SLC4A10: variants seen among roughly 807,000 people sequenced by gnomAD.
SLC4A10 encodes sodium-driven chloride bicarbonate exchanger.
A neutral mutation model predicts 137.7 loss-of-function variants in SLC4A10; 42 were observed. The observed-to-expected ratio is 0.30, with a 90% CI of 0.24 to 0.39. SLC4A10 has a LOEUF of 0.39. SLC4A10 is among the 10% of genes least tolerant of loss of function. The pLI is 1.00. For missense variants in SLC4A10, 925 were observed against 1,355.0 expected (o/e 0.68, Z 4.98); for synonymous variants, 474 against 464.1 (o/e 1.02, Z -0.27).
intron 3 of SLC4A10, among the ~76,000 whole-genome samples, chr2:161,828,825 G>C: frequency 9.6e-6 from 1 of 103,878 alleles, no homozygotes; most frequent in Admixed American, 1.1e-4. Flanking sequence ...ATCTACATCT[G>C]CATCAAATCC....
At chr2:161,876,141 C>A (rs2061436008) in intron 8 of SLC4A10, among the ~76,000 whole-genome samples, 1 of 152,094 alleles carries the variant, frequency 6.6e-6, no homozygotes, top group Admixed American at 6.5e-5. Context: ...GAGGTCTGGG[C>A]AGCCCAGAAG....
At chr2:161,790,502 T>C in intron 2 of SLC4A10, among the ~76,000 whole-genome samples, 1 of 152,164 alleles carries the variant, frequency 6.6e-6, no homozygotes, top group East Asian at 1.9e-4. Flanking sequence ...ATTCTAAGGG[T>C]GTTTGCTCCA....
chr2:161,639,862 A>T (rs1380995741), intron 1 of SLC4A10, among the ~76,000 whole-genome samples: 1 of 152,196 alleles, frequency 6.6e-6, no homozygotes, highest in Non-Finnish European at 1.5e-5. Flanking sequence ...ATGATCTCAT[A>T]TATGAAAAAC....
At position 161,843,257 on chromosome 2, in the gene SLC4A10, A is replaced by G. The variant is rs1439961031; in HGVS notation, c.416+3330A>G. ...GATTGCAGAAGCGATACTAGAATATAGCACTCTCACTTTGTTACAGTTGAG... is the reference window on the plus strand; with the variant it reads ...GATTGCAGAAGCGATACTAGAATATGGCACTCTCACTTTGTTACAGTTGAG... On this transcript the variant is annotated intron_variant, in intron 4 of 26. Transcript: ENST00000446997. Among the ~76,000 whole-genome samples, 4 of 152,194 alleles carry G rather than the reference A, an allele frequency of 2.6e-5. No homozygotes were observed. The East Asian group carries it at 5.8e-4, about 22-fold the overall frequency.
At chr2:161,723,956 C>T (rs920750734) in intron 1 of SLC4A10, among the ~76,000 whole-genome samples, 1 of 152,168 alleles carries the variant, frequency 6.6e-6, no homozygotes, top group South Asian at 2.1e-4. Flanking sequence ...ATATCTCAAA[C>T]TTGATATGTA....
intron 1 of SLC4A10, among the ~76,000 whole-genome samples, chr2:161,644,208 A>G (rs527480028): frequency 1.3e-5 from 2 of 152,286 alleles, no homozygotes; most frequent in South Asian, 2.1e-4. Flanking sequence ...ATAAAAAACA[A>G]TAACACGACT....
intron 21 of SLC4A10, 117 bp from the exon 22 acceptor site, chr2:161,964,018 T>C (rs1697169702): frequency 1.4e-6 from 1 of 720,032 alleles, no homozygotes; most frequent in African/African-American, 1.8e-5. Flanking sequence ...GATATCAACT[T>C]AGTGTTATCC....
intron 2 of SLC4A10, among the ~76,000 whole-genome samples, chr2:161,786,908 A>C (rs927647563): frequency 6.6e-6 from 1 of 151,322 alleles, no homozygotes; most frequent in African/African-American, 2.4e-5. Flanking sequence ...CAATCATAGT[A>C]TTGTTAGCTA....
At chr2:161,677,848 A>T (rs1294035358) in intron 1 of SLC4A10, among the ~76,000 whole-genome samples, 1 of 152,196 alleles carries the variant, frequency 6.6e-6, no homozygotes, top group Non-Finnish European at 1.5e-5. Flanking sequence ...TCACAATGGC[A>T]CGTGGGACTT....
chr2:161,740,795 A>G (rs993828925), intron 1 of SLC4A10, among the ~76,000 whole-genome samples: 3 of 152,232 alleles, frequency 2.0e-5, no homozygotes, highest in Admixed American at 6.5e-5. Context: ...GATACTAGGT[A>G]GTGAAAACAT....
At chr2:161,671,999 C>A (rs1170694382) in intron 1 of SLC4A10, among the ~76,000 whole-genome samples, 2 of 152,082 alleles carry the variant, frequency 1.3e-5, no homozygotes, top group Non-Finnish European at 2.9e-5. Flanking sequence ...CAAGAAAGTG[C>A]ACTTAAGGTG....
Position 161,855,076 on chromosome 2 carries a change from C to G in SLC4A10, c.523C>G (p.Leu175Val). The part of the protein sequence containing the change: ...HSLFELRSCI[L>V]NGTVLLDMHA... ...CTTGTTTGAATTGAGAAGTTGTATTCTGAATGGAACTGTGTTGCTGGACAT... is the reference window on the plus strand; with the variant it reads ...CTTGTTTGAATTGAGAAGTTGTATTGTGAATGGAACTGTGTTGCTGGACAT... The change falls in exon 5 of 27, where the codon CTG becomes GTG. Residue 175 changes from leucine to valine, a missense_variant. By Grantham distance (32) the Leu-to-Val change is conservative. Transcript: ENST00000446997. 1.2e-6 allele frequency: 2 copies of G among 1,613,162 alleles called. No homozygotes were observed. The highest frequency in any genetic ancestry group is 1.7e-6 in the Non-Finnish European group (2 of 1,179,438).
intron 9 of SLC4A10, among the ~76,000 whole-genome samples, chr2:161,881,632 C>A: frequency 6.6e-6 from 1 of 151,966 alleles, no homozygotes; most frequent in East Asian, 1.9e-4. Flanking sequence ...CTTTAATTTT[C>A]AAAATTTCCC....
At chr2:161,695,797 T>C (rs2042424347) in intron 1 of SLC4A10, among the ~76,000 whole-genome samples, 1 of 152,194 alleles carries the variant, frequency 6.6e-6, no homozygotes, top group African/African-American at 2.4e-5. Context: ...ATAGGCTAAT[T>C]CCTGCATTCT....
chr2:161,713,200 A>G (rs765600770), intron 1 of SLC4A10, among the ~76,000 whole-genome samples: 9 of 151,876 alleles, frequency 5.9e-5, no homozygotes, highest in Non-Finnish European at 1.0e-4. Flanking sequence ...TTGGGACCAG[A>G]TAAGTGTAGA....
rs183362136 is a variant in SLC4A10, at chr2:161,723,508, T to C, written c.49-47465T>C. On this transcript the variant is annotated intron_variant, in intron 1 of 26. Coordinates refer to ENST00000446997, the MANE Select transcript of SLC4A10 (RefSeq NM_001178015.2). ...GGTTTCGTTTCCACTAGAAATAATATACGCACAGTTCCTGGCATAGCTTCT... is the reference window on the plus strand; with the variant it reads ...GGTTTCGTTTCCACTAGAAATAATACACGCACAGTTCCTGGCATAGCTTCT... Among the ~76,000 whole-genome samples the C allele has an allele frequency of 1.3e-3, 191 of 152,358 alleles. 1 individual carries two copies. The highest frequency in any genetic ancestry group is 7.6e-4 in the Non-Finnish European group (52 of 68,034).
chr2:161,834,269 A>C (rs1200362402), intron 3 of SLC4A10, among the ~76,000 whole-genome samples: 1 of 152,196 alleles, frequency 6.6e-6, no homozygotes, highest in Non-Finnish European at 1.5e-5. Context: ...GCAATTGCCC[A>C]AATGTACCAT....
chr2:161,833,220 G>A (rs2058551025), intron 3 of SLC4A10, among the ~76,000 whole-genome samples: 1 of 152,206 alleles, frequency 6.6e-6, no homozygotes, highest in African/African-American at 2.4e-5. Flanking sequence ...CCAAAACTGG[G>A]ATATCTTTTT....
chr2:161,958,383 T>C (rs535498807), intron 20 of SLC4A10, 104 bp from the exon 21 acceptor site: 1 of 831,642 alleles, frequency 1.2e-6, no homozygotes, highest in Admixed American at 2.2e-5. Flanking sequence ...CTATACTGTT[T>C]CTATTCAAAA....
Sources: allele counts gnomAD v4.1 joint callset (sites outside exome capture counted in the v4.1 genomes callset), GRCh38; gene constraint gnomAD v4.1.1; transcripts MANE v1.5; gene names NCBI Gene and HGNC (gene_info 2026-07-23, HGNC 2026-07-21).